The following MKLN1 variants were observed in gnomAD, a reference collection of about 807,000 sequenced individuals.
The protein encoded by MKLN1 is muskelin.
MKLN1 carries 18 observed loss-of-function variants against 99.0 expected under a neutral mutation model. That is an observed-to-expected ratio of 0.18 (90% confidence interval 0.13 to 0.27). The LOEUF is 0.27. Among genes scored for constraint, MKLN1 ranks in the 10% least tolerant of loss-of-function variants. The pLI, the probability that MKLN1 is intolerant of heterozygous loss-of-function variation, is 1.00. For synonymous variants in MKLN1, 288 were observed against 293.2 expected, an observed-to-expected ratio of 0.98 and a Z score of 0.18; for missense variants, 621 against 875.9, an observed-to-expected ratio of 0.71 and a Z score of 3.67.
intron 2 of MKLN1, among the ~76,000 whole-genome samples, chr7:131,156,344 G>A (rs1186231916): frequency 6.6e-6 from 1 of 151,070 alleles, no homozygotes. Flanking sequence ...TGGCAAACAC[G>A]GTGAAACCCC....
intron 17 of MKLN1, among the ~76,000 whole-genome samples, chr7:131,484,889 A>T (rs1797230935): frequency 6.6e-6 from 1 of 152,026 alleles, no homozygotes; most frequent in Non-Finnish European, 1.5e-5. Context: ...AAGAAAGGAG[A>T]TATGGAATGG....
intron 1 of MKLN1, among the ~76,000 whole-genome samples, chr7:131,366,239 T>C (rs1244116866): frequency 1.3e-5 from 2 of 152,214 alleles, no homozygotes; most frequent in African/African-American, 2.4e-5. Context: ...TGATTTTTTT[T>C]CAGATCCATT....
chr7:131,173,230 C>T (rs774813856), intron 2 of MKLN1, among the ~76,000 whole-genome samples: 4 of 151,768 alleles, frequency 2.6e-5, no homozygotes, highest in Non-Finnish European at 4.4e-5. Flanking sequence ...AAGTACCTGA[C>T]GTACAAGCCC....
At chr7:131,212,097 A>T (rs1169356448) in intron 3 of MKLN1, among the ~76,000 whole-genome samples, 1 of 152,218 alleles carries the variant, frequency 6.6e-6, no homozygotes, top group Non-Finnish European at 1.5e-5. Context: ...TCATCACTAC[A>T]AAGAATGGCT....
intron 3 of MKLN1, among the ~76,000 whole-genome samples, chr7:131,254,891 T>C (rs1312332164): frequency 6.6e-6 from 1 of 151,740 alleles, no homozygotes; most frequent in East Asian, 1.9e-4. Flanking sequence ...GAAGAAACAA[T>C]GGCTGAAATT....
chr7:131,278,959 TG>T, intron 3 of MKLN1, among the ~76,000 whole-genome samples: 1 of 152,316 alleles, frequency 6.6e-6, no homozygotes, highest in South Asian at 2.1e-4. Flanking sequence ...CTGGACTAAA[TG>T]TAATTTTTAT....
At chr7:131,322,949 C>T (rs898676748), upstream of MKLN1, among the ~76,000 whole-genome samples, 10 of 152,212 alleles carry the variant, frequency 6.6e-5, no homozygotes, top group African/African-American at 2.2e-4. Flanking sequence ...AAACTGCCTC[C>T]ATGATCCAAT....
At chr7:131,178,417 A>C (rs998802167) in intron 2 of MKLN1, among the ~76,000 whole-genome samples, 1 of 150,714 alleles carries the variant, frequency 6.6e-6, no homozygotes, top group Admixed American at 6.7e-5. Flanking sequence ...GATTACAGGC[A>C]TGAGCCACCT....
At chr7:131,434,086 A>T (rs970621659) in intron 9 of MKLN1, among the ~76,000 whole-genome samples, 5 of 152,194 alleles carry the variant, frequency 3.3e-5, no homozygotes, top group Admixed American at 6.5e-5. Context: ...AGGTTTCACC[A>T]TGTTGGCCAG....
At chr7:131,344,143 G>A (rs1042237879) in intron 1 of MKLN1, among the ~76,000 whole-genome samples, 1 of 151,990 alleles carries the variant, frequency 6.6e-6, no homozygotes, top group African/African-American at 2.4e-5. Context: ...AAAATATTAA[G>A]TGATTATCTC....
intron 3 of MKLN1, among the ~76,000 whole-genome samples, chr7:131,312,189 A>G (rs1270347122): frequency 6.6e-6 from 1 of 151,914 alleles, no homozygotes; most frequent in Non-Finnish European, 1.5e-5. Context: ...TACCCAGCTA[A>G]TTTTTGTATT....
intron 3 of MKLN1, among the ~76,000 whole-genome samples, chr7:131,320,761 G>A (rs1232200902): frequency 6.6e-6 from 1 of 152,112 alleles, no homozygotes; most frequent in African/African-American, 2.4e-5. Context: ...CCAACAAAAA[G>A]TGGGCAAAGA....
intron 2 of MKLN1, among the ~76,000 whole-genome samples, chr7:131,172,133 T>A (rs999328879): frequency 6.6e-6 from 1 of 152,074 alleles, no homozygotes; most frequent in East Asian, 1.9e-4. Flanking sequence ...TTATTTATTT[T>A]TATTTTATTT....
At chr7:131,290,708 C>G (rs1798203676) in intron 3 of MKLN1, among the ~76,000 whole-genome samples, 1 of 152,178 alleles carries the variant, frequency 6.6e-6, no homozygotes, top group African/African-American at 2.4e-5. Context: ...TTTTAATAAA[C>G]TGATTAGCCA....
At position 131,212,721 on chromosome 7, in the gene MKLN1, C is replaced by T. The variant is rs563894415; in HGVS notation, c.-179+9747C>T. On this transcript the variant is annotated intron_variant, in intron 3 of 7. Transcript: ENST00000416992. ...GGTGGATCACCTGAGGTTGGGAGTT[C>T]GAGACCAGCCTGACCAACATGGAGA... Among the ~76,000 whole-genome samples the T allele has an allele frequency of 4.6e-5, 7 of 152,028 alleles. No individual in the cohort carries two copies. In the East Asian group the frequency reaches 9.7e-4, roughly 21 times the overall value.
intron 1 of MKLN1, among the ~76,000 whole-genome samples, chr7:131,114,362 C>T (rs1443355995): frequency 2.6e-5 from 4 of 152,074 alleles, no homozygotes; most frequent in Non-Finnish European, 5.9e-5. Flanking sequence ...AAGCTGTCTA[C>T]TACATAATTG....
At chr7:131,286,584 C>T (rs1798135498) in intron 3 of MKLN1, among the ~76,000 whole-genome samples, 1 of 152,146 alleles carries the variant, frequency 6.6e-6, no homozygotes, top group African/African-American at 2.4e-5. Flanking sequence ...TGTTATTTTC[C>T]ATTTACAGAT....
chr7:131,328,463 C>T (rs1798962560), intron 1 of MKLN1, among the ~76,000 whole-genome samples: 1 of 152,132 alleles, frequency 6.6e-6, no homozygotes. Context: ...AGTGTCTATT[C>T]CAGAGTGGGG....
intron 1 of MKLN1, among the ~76,000 whole-genome samples, chr7:131,335,102 C>T (rs1281599281): frequency 6.6e-6 from 1 of 152,038 alleles, no homozygotes; most frequent in African/African-American, 2.4e-5. Flanking sequence ...TCTGAGAAGT[C>T]CAGCAGTATT....
Sources: gnomAD v4.1 joint callset for allele counts (sites outside exome capture counted in the v4.1 genomes callset) on GRCh38, gnomAD v4.1.1 for gene constraint, MANE v1.5 for transcripts, NCBI Gene and HGNC (gene_info 2026-07-23, HGNC 2026-07-21) for gene names.